ARMC9: variants seen among roughly 807,000 people sequenced by gnomAD.
ARMC9 encodes the protein lisH domain-containing protein ARMC9.
A neutral mutation model predicts 107.0 loss-of-function variants in ARMC9; 94 were observed. The ratio of observed to expected loss-of-function variants is 0.88; its 90% confidence interval spans 0.74 to 1.04. The LOEUF is 1.04. Ranked by LOEUF, ARMC9 falls within the 50% of genes least tolerant of loss-of-function variation. The pLI is 0.00. For synonymous variants in ARMC9, 380 were observed against 396.9 expected (o/e 0.96, Z 0.51); for missense variants, 942 against 1,030.1 (o/e 0.91, Z 1.17).
intron 19 of ARMC9, among the ~76,000 whole-genome samples, chr2:231,324,580 C>T (rs1314334362): frequency 4.6e-5 from 7 of 151,092 alleles, no homozygotes; most frequent in Admixed American, 2.6e-4. Flanking sequence ...GAAGAAACCC[C>T]GTCCCTACTG....
At chr2:231,328,389 C>T (rs777857672) in intron 19 of ARMC9, among the ~76,000 whole-genome samples, 24 of 152,110 alleles carry the variant, frequency 1.6e-4, no homozygotes, top group Non-Finnish European at 2.6e-4. Context: ...TTTCACCGAA[C>T]AAGTTTTTAA....
intron 9 of ARMC9, among the ~76,000 whole-genome samples, chr2:231,251,891 A>C (rs55982725): frequency 4.4e-4 from 67 of 152,120 alleles, no homozygotes; most frequent in Admixed American, 1.2e-3. Context: ...ACACCTGGCT[A>C]ATTTTTACTT....
chr2:231,361,557 C>A (rs1319348314), intron 23 of ARMC9, among the ~76,000 whole-genome samples: 1 of 151,320 alleles, frequency 6.6e-6, no homozygotes, highest in Non-Finnish European at 1.5e-5. Flanking sequence ...CACAGACTGG[C>A]CCTGTGGGTT....
In ARMC9 at chr2:231,225,820, A is replaced by G. The variant is rs2034586459; in HGVS notation, c.598-954A>G. On this transcript the variant is annotated intron_variant, in intron 6 of 24. Transcript: ENST00000611582. ...TGTAGTGATGGTTGCATAACTCTGA[A>G]AATACTGAAAACCATTGAAATGTAC... Among the ~76,000 whole-genome samples, 4 of 152,322 alleles carry G rather than the reference A, an allele frequency of 2.6e-5. No homozygotes were observed. In the South Asian group the frequency reaches 8.3e-4, roughly 32 times the overall value.
chr2:231,307,445 A>G (rs903178904), intron 19 of ARMC9, among the ~76,000 whole-genome samples: 5 of 152,190 alleles, frequency 3.3e-5, no homozygotes, highest in African/African-American at 9.6e-5. Context: ...TGGAAAGCAC[A>G]CTTGGGGGCA....
intron 9 of ARMC9, among the ~76,000 whole-genome samples, chr2:231,251,745 AGAC>A (rs1277428809): frequency 6.6e-6 from 1 of 151,826 alleles, no homozygotes; most frequent in Non-Finnish European, 1.5e-5. Context: ...TTTTTTTTTG[AGAC>A]AGGGTCTTGC....
intron 21 of ARMC9, among the ~76,000 whole-genome samples, chr2:231,348,301 G>A (rs768106181): frequency 1.3e-5 from 2 of 152,206 alleles, no homozygotes; most frequent in Non-Finnish European, 2.9e-5. Context: ...GCCATGAGCC[G>A]AGGAATGCAG....
intron 8 of ARMC9, among the ~76,000 whole-genome samples, chr2:231,238,538 A>G (rs1011216912): frequency 7.2e-5 from 11 of 152,090 alleles, no homozygotes; most frequent in African/African-American, 2.2e-4. Flanking sequence ...TTTTTATTAG[A>G]GATGGTATTT....
chr2:231,353,185 A>G lies in ARMC9; in HGVS notation c.1995-2613A>G, dbSNP rs2045178286. 1.5e-5 allele frequency among the ~76,000 whole-genome samples: 2 copies of G among 131,492 alleles called. 1 individual carries two copies. The allele number at this position is 131,492 out of a possible 152,430, so 86.3% of individuals were successfully genotyped here. On this transcript the variant is annotated intron_variant, in intron 21 of 24. Coordinates refer to ENST00000611582, the MANE Select transcript of ARMC9 (RefSeq NM_001352754.2). The stretch of plus-strand genomic sequence containing the variant: ...GTCCTGCAGCCATCCTATTTGCACA[A>G]AGTGACAATTCTTTTTTTTTGAGAC...
At chr2:231,256,516 G>A in intron 9 of ARMC9, 70 bp from the exon 10 acceptor site, 4 of 1,560,202 alleles carry the variant, frequency 2.6e-6, no homozygotes, top group Non-Finnish European at 3.5e-6. Flanking sequence ...TGCTATTAGG[G>A]TGATTTGGGA....
chr2:231,342,249 A>G (rs2044561881), intron 20 of ARMC9, among the ~76,000 whole-genome samples: 1 of 152,206 alleles, frequency 6.6e-6, no homozygotes, highest in Admixed American at 6.5e-5. Flanking sequence ...TTTGCAACAG[A>G]CCAGGCAGTG....
chr2:231,369,825 T>C (rs1355958310), intron 23 of ARMC9, 128 bp from the exon 24 acceptor site: 2 of 1,034,722 alleles, frequency 1.9e-6, no homozygotes, highest in African/African-American at 1.7e-5. Flanking sequence ...AACTCCTGAC[T>C]TCAGGTGATT....
In ARMC9 at chr2:231,258,528, C is replaced by T. The variant is rs150266186; in HGVS notation, c.915-463C>T. Among the ~76,000 whole-genome samples, 1,101 of 152,210 alleles carry T rather than the reference C, an allele frequency of 7.2e-3. 6 individuals are homozygous for T. Among genetic ancestry groups the T allele is most frequent in the Middle Eastern group, 0.014 (4 of 294 alleles). On this transcript the variant is annotated intron_variant, in intron 10 of 24. Transcript: ENST00000611582. ...TTGTTTCCTGACTGTTGTTCATATT[C>T]CCCCGGTCCAGTAGCTCAGGCTTGA...
In ARMC9 at chr2:231,286,155, G is replaced by A. The variant is rs538810137; in HGVS notation, c.1626+4022G>A. Among the ~76,000 whole-genome samples, 12 of 152,168 alleles carry A rather than the reference G, an allele frequency of 7.9e-5. No homozygotes were observed. The South Asian group carries it at 8.3e-4, about 11-fold the overall frequency. On this transcript the variant is annotated intron_variant, in intron 17 of 24. Coordinates refer to ENST00000611582, the MANE Select transcript of ARMC9 (RefSeq NM_001352754.2). ...TTTTGAGACAGCGTCTTGCTCTGTC[G>A]CCCAGGCTGGAGTGCAGTGGTGGGA...
intron 9 of ARMC9, chr2:231,256,004 C>A: frequency 7.9e-7 from 1 of 1,269,358 alleles, no homozygotes. Context: ...TGCGCCACTG[C>A]TCTCCAGCCT....
intron 21 of ARMC9, among the ~76,000 whole-genome samples, chr2:231,347,787 A>G (rs1198555691): frequency 6.6e-6 from 1 of 152,304 alleles, no homozygotes; most frequent in Non-Finnish European, 1.5e-5. Flanking sequence ...GTTTATTGCA[A>G]AGGTTCTTAG....
chr2:231,294,690 G>A (rs537677070), intron 18 of ARMC9: 80 of 152,462 alleles, frequency 5.2e-4, no homozygotes, highest in Non-Finnish European at 5.3e-4. Flanking sequence ...ATAGCCAAGA[G>A]TCTTAAAAAA....
chr2:231,238,990 C>T (rs2036023833), intron 8 of ARMC9, among the ~76,000 whole-genome samples: 1 of 152,156 alleles, frequency 6.6e-6, no homozygotes, highest in African/African-American at 2.4e-5. Flanking sequence ...AGTGGATGAG[C>T]AAGGGGTGGG....
intron 17 of ARMC9, among the ~76,000 whole-genome samples, chr2:231,286,405 G>A (rs559911486): frequency 9.2e-5 from 14 of 152,294 alleles, no homozygotes; most frequent in African/African-American, 2.6e-4. Flanking sequence ...GTGAGCCACC[G>A]CGCCCGGTGC....
Sources: gnomAD v4.1 joint callset for allele counts (sites outside exome capture counted in the v4.1 genomes callset) on GRCh38, gnomAD v4.1.1 for gene constraint, MANE v1.5 for transcripts, NCBI Gene and HGNC (gene_info 2026-07-23, HGNC 2026-07-21) for gene names.